Variants in ZFHX3 observed in about 807,000 individuals in gnomAD.
ZFHX3 encodes the protein zinc finger homeobox 3.
A neutral mutation model predicts 279.1 loss-of-function variants in ZFHX3; 42 were observed. The ratio of observed to expected loss-of-function variants is 0.15; its 90% CI spans 0.12 to 0.19. The LOEUF is 0.19. ZFHX3 is among the 10% of genes least tolerant of loss of function. The pLI is 1.00. For synonymous variants in ZFHX3, 2,293 were observed against 1,957.8 expected (o/e 1.17, Z -4.52); for missense variants, 4,981 against 4,754.0 (o/e 1.05, Z -1.40).
chr16:73,869,581 G>T (rs866887116), intron 1 of ZFHX3, among the ~76,000 whole-genome samples: 2 of 152,214 alleles, frequency 1.3e-5, no homozygotes, highest in Non-Finnish European at 2.9e-5. Context: ...TTGTGTATTT[G>T]CATGACTGTA....
chr16:73,067,254 G>A (rs1007167078), intron 8 of ZFHX3, among the ~76,000 whole-genome samples: 1 of 152,210 alleles, frequency 6.6e-6, no homozygotes, highest in African/African-American at 2.4e-5. Context: ...GCCTGGGAAC[G>A]CTGCAGCAGG....
At chr16:72,809,803 T>G (rs1397779038) in intron 7 of ZFHX3, 1 of 151,872 alleles carries the variant, frequency 6.6e-6, no homozygotes, top group African/African-American at 2.4e-5. Context: ...AACTTATTAC[T>G]CCACTGCTAA....
chr16:73,580,775 T>C (rs1157798034), intron 2 of ZFHX3, among the ~76,000 whole-genome samples: 1 of 151,854 alleles, frequency 6.6e-6, no homozygotes, highest in Admixed American at 6.5e-5. Context: ...TTAATGTATT[T>C]CCACTCCTTA....
intron 8 of ZFHX3, among the ~76,000 whole-genome samples, chr16:73,082,755 T>C (rs1184625472): frequency 6.6e-6 from 1 of 152,064 alleles, no homozygotes; most frequent in Non-Finnish European, 1.5e-5. Flanking sequence ...ATCAGCTCCT[T>C]AGAATAAAAG....
chr16:73,164,716 A>C (rs1391667055), intron 5 of ZFHX3, among the ~76,000 whole-genome samples: 1 of 151,326 alleles, frequency 6.6e-6, no homozygotes, highest in Non-Finnish European at 1.5e-5. Flanking sequence ...AAAAAAAAAA[A>C]GACAATTTGG....
At chr16:73,053,131 C>G (rs746700388) in intron 1 of ZFHX3, among the ~76,000 whole-genome samples, 1 of 152,090 alleles carries the variant, frequency 6.6e-6, no homozygotes, top group Non-Finnish European at 1.5e-5. Flanking sequence ...TAGAGGAAAG[C>G]CTTTGGGGCC....
Position 73,683,003 on chromosome 16 carries a change from GA to G in ZFHX3, c.-1607-2764del, listed in dbSNP as rs1567550851. On this transcript the variant is annotated intron_variant, in intron 1 of 17. Transcript: ENST00000641206. ...GAAAGAAAGAAAGAAAAGAAAGAAAGAAAGAAAGAGAAAGGAGGGAGGGAGG... is the reference window on the plus strand; with the variant it reads ...GAAAGAAAGAAAGAAAAGAAAGAAAGAAGAAAGAGAAAGGAGGGAGGGAGG... 3.5e-5 allele frequency among the ~76,000 whole-genome samples: 3 copies of G among 84,862 alleles called. 1 individual carries two copies. In the East Asian group the frequency reaches 2.1e-3, roughly 58 times the overall value. The allele number at this position is 84,862 out of a possible 152,430, so 55.7% of individuals were successfully genotyped here. A position where few individuals can be genotyped will look rare whatever the true frequency, so the allele number is the denominator to read the frequency against.
chr16:73,044,351 A>G (rs1428652697), intron 1 of ZFHX3, among the ~76,000 whole-genome samples: 2 of 152,216 alleles, frequency 1.3e-5, no homozygotes, highest in African/African-American at 4.8e-5. Context: ...GAGCAAGCCA[A>G]CAGGCCCAAA....
intron 1 of ZFHX3, among the ~76,000 whole-genome samples, chr16:73,724,554 CTTGGTAGGCATTTGAGT>C (rs2053502206): frequency 6.6e-6 from 1 of 152,178 alleles, no homozygotes; most frequent in Admixed American, 6.6e-5. Context: ...TTTGCCCAGC[CTTGGTAGGCATTTGAGT>C]TTGGTACCCT....
intron 1 of ZFHX3, among the ~76,000 whole-genome samples, chr16:73,757,308 T>G (rs1346810248): frequency 6.6e-6 from 1 of 152,152 alleles, no homozygotes; most frequent in Non-Finnish European, 1.5e-5. Flanking sequence ...GCAGACTGGA[T>G]AGCAACCCTA....
At chr16:72,824,135 TA>T (rs2036873292) in intron 5 of ZFHX3, among the ~76,000 whole-genome samples, 1 of 152,088 alleles carries the variant, frequency 6.6e-6, no homozygotes, top group Non-Finnish European at 1.5e-5. Flanking sequence ...TCAACCTCAG[TA>T]ATTAGAAAGG....
chr16:72,804,757 T>C (rs1372994041), intron 7 of ZFHX3, among the ~76,000 whole-genome samples: 3 of 152,110 alleles, frequency 2.0e-5, no homozygotes, highest in African/African-American at 7.2e-5. Context: ...TCTGGAGTTA[T>C]AAGGAACACC....
intron 2 of ZFHX3, among the ~76,000 whole-genome samples, chr16:73,525,182 T>C (rs1431752167): frequency 6.6e-6 from 1 of 152,184 alleles, no homozygotes; most frequent in East Asian, 1.9e-4. Context: ...CCTGGGGAGA[T>C]TCCTGTTGGC....
chr16:73,137,001 G>A (rs192680323), intron 6 of ZFHX3, among the ~76,000 whole-genome samples: 42 of 151,624 alleles, frequency 2.8e-4, no homozygotes, highest in Admixed American at 5.3e-4. Context: ...GTAAATGATT[G>A]GAAAATGATT....
intron 1 of ZFHX3, among the ~76,000 whole-genome samples, chr16:73,732,456 A>G (rs750034613): frequency 1.5e-4 from 23 of 152,266 alleles, no homozygotes; most frequent in Non-Finnish European, 2.5e-4. Flanking sequence ...GGATTTGCCC[A>G]GGACAATTCC....
intron 1 of ZFHX3, among the ~76,000 whole-genome samples, chr16:73,850,768 C>T (rs997606599): frequency 6.6e-6 from 1 of 151,582 alleles, no homozygotes; most frequent in African/African-American, 2.4e-5. Flanking sequence ...CAAAGCAGCT[C>T]TCTTCGCCCA....
chr16:73,563,688 C>T (rs1387124853), intron 2 of ZFHX3, among the ~76,000 whole-genome samples: 4 of 152,180 alleles, frequency 2.6e-5, no homozygotes, highest in Non-Finnish European at 4.4e-5. Context: ...TGCAGTCCCC[C>T]ATCCCTGCCC....
chr16:73,067,129 C>A (rs901980905), intron 8 of ZFHX3, among the ~76,000 whole-genome samples: 1 of 152,138 alleles, frequency 6.6e-6, no homozygotes, highest in Non-Finnish European at 1.5e-5. Flanking sequence ...TAGCGAAGGG[C>A]CGTCTGGAGG....
intron 3 of ZFHX3, among the ~76,000 whole-genome samples, chr16:72,904,445 C>G (rs1041657395): frequency 3.3e-5 from 5 of 151,836 alleles, no homozygotes; most frequent in African/African-American, 1.2e-4. Context: ...AAAGTTTGAA[C>G]AGATGAAGAA....
Sources: allele counts gnomAD v4.1 joint callset (sites outside exome capture counted in the v4.1 genomes callset), GRCh38; gene constraint gnomAD v4.1.1; transcripts MANE v1.5; gene names NCBI Gene and HGNC (gene_info 2026-07-23, HGNC 2026-07-21).